RERE: variants seen among roughly 807,000 people sequenced by gnomAD.
RERE encodes the protein arginine-glutamic acid dipeptide repeats.
Under a neutral mutation model 146.1 loss-of-function variants are expected in RERE, and 40 were observed. That is an observed-to-expected ratio of 0.27 (90% CI 0.21 to 0.36). RERE has a LOEUF of 0.36. RERE is among the 10% of genes least tolerant of loss of function. RERE has a pLI of 1.00. For missense variants in RERE, 1,933 were observed against 2,138.7 expected, an observed-to-expected ratio of 0.90 and a Z score of 1.90; for synonymous variants, 1,003 against 866.0, an observed-to-expected ratio of 1.16 and a Z score of -2.78.
chr1:8,607,528 A>ATTTTTTTTTT (rs1557431314), intron 4 of RERE, among the ~76,000 whole-genome samples: 1 of 77,020 alleles, frequency 1.3e-5, no homozygotes, highest in East Asian at 7.4e-4. Flanking sequence ...GTTTTTATAT[A>ATTTTTTTTTT]TATTTCTTTT....
Position 8,600,823 on chromosome 1 carries a change from C to G in RERE, c.522+13738G>C, listed in dbSNP as rs1301146904. Among the ~76,000 whole-genome samples the G allele has an allele frequency of 2.8e-5, 4 of 140,476 alleles. No individual in the cohort carries two copies. In the South Asian group the frequency reaches 6.8e-4, roughly 24 times the overall value. The allele number at this position is 140,476 out of a possible 152,430, so 92.2% of individuals were successfully genotyped here. A position where few individuals can be genotyped will look rare whatever the true frequency, so the allele number is the denominator to read the frequency against. ...AGGCTGGAGTGCAGTGGTGCAATCT[C>G]GGCTCACTGCAAGCTCCGCCTCCAG... On this transcript the variant is annotated intron_variant, in intron 4 of 22. Coordinates refer to ENST00000400908, the MANE Select transcript of RERE (RefSeq NM_001042681.2).
intron 11 of RERE, among the ~76,000 whole-genome samples, chr1:8,440,376 G>A (rs1175984256): frequency 1.4e-5 from 2 of 143,204 alleles, no homozygotes; most frequent in Non-Finnish European, 3.0e-5. Flanking sequence ...GCGGACATGA[G>A]GTTAGGAGAT....
chr1:8,546,007 T>TTTTTTTTA (rs1645856785), intron 6 of RERE, among the ~76,000 whole-genome samples: 3 of 126,824 alleles, frequency 2.4e-5, no homozygotes, highest in Non-Finnish European at 5.0e-5. Flanking sequence ...TTTTTTTTTT[T>TTTTTTTTA]GAGATAGGGT....
intron 12 of RERE, among the ~76,000 whole-genome samples, chr1:8,406,960 G>A (rs377700278): frequency 6.6e-6 from 1 of 152,120 alleles, no homozygotes; most frequent in Admixed American, 6.5e-5. Flanking sequence ...CAAAACACCC[G>A]ACACCCGAGG....
chr1:8,366,916 C>A (rs200889656), intron 12 of RERE, among the ~76,000 whole-genome samples: 3,223 of 105,268 alleles, frequency 0.031, 32 homozygotes, highest in East Asian at 0.071. Flanking sequence ...AAAAAAAAAA[C>A]AAAAAAAAAA....
At chr1:8,401,649 A>G (rs1643266338) in intron 12 of RERE, among the ~76,000 whole-genome samples, 1 of 150,934 alleles carries the variant, frequency 6.6e-6, no homozygotes, top group African/African-American at 2.4e-5. Context: ...AGTCCCAGCT[A>G]CTCGGGAGGC....
intron 12 of RERE, among the ~76,000 whole-genome samples, chr1:8,401,270 G>GT (rs35699835): frequency 0.22 from 33,629 of 151,250 alleles, 4,253 homozygotes; most frequent in African/African-American, 0.33. Context: ...GGCCAAGACA[G>GT]TATCTCCCAC....
chr1:8,772,959 T>A (rs1218337453), intron 1 of RERE, among the ~76,000 whole-genome samples: 1 of 152,054 alleles, frequency 6.6e-6, no homozygotes, highest in Non-Finnish European at 1.5e-5. Flanking sequence ...TGGTGGCACA[T>A]GCATGTAATC....
At chr1:8,369,655 A>G (rs1641955558) in intron 12 of RERE, among the ~76,000 whole-genome samples, 2 of 151,246 alleles carry the variant, frequency 1.3e-5, no homozygotes, top group Non-Finnish European at 3.0e-5. Context: ...ACTGTCATCC[A>G]CTGCTGGTGG....
chr1:8,501,419 G>C (rs1467174965), intron 8 of RERE, among the ~76,000 whole-genome samples: 2 of 74,968 alleles, frequency 2.7e-5, no homozygotes, highest in Non-Finnish European at 5.2e-5. Flanking sequence ...GCCCCGTCCG[G>C]GAGGTGAGGG....
rs778484348 is a variant in RERE at position 8,508,610 on chromosome 1, A to G, written c.879+17T>C. 17 of 1,594,064 alleles carry G rather than the reference A, an allele frequency of 1.1e-5. No homozygotes were observed. The highest frequency in any genetic ancestry group is 9.9e-5 in the South Asian group (9 of 90,490). On this transcript the variant is annotated intron_variant, in intron 8 of 22. Transcript: ENST00000400908. ...GAAACAAAAACCTATTAAGGAAGCTATGAAAATGAACTTCACCTGATGACT... is the reference window on the plus strand; with the variant it reads ...GAAACAAAAACCTATTAAGGAAGCTGTGAAAATGAACTTCACCTGATGACT...
intron 1 of RERE, among the ~76,000 whole-genome samples, chr1:8,716,787 T>G (rs1639773626): frequency 6.6e-6 from 1 of 151,698 alleles, no homozygotes; most frequent in Admixed American, 6.6e-5. Flanking sequence ...GTGAAGAAAG[T>G]AATAAAATTT....
chr1:8,483,588 A>C (rs1388951690), intron 10 of RERE, among the ~76,000 whole-genome samples: 2 of 152,224 alleles, frequency 1.3e-5, no homozygotes, highest in Admixed American at 6.5e-5. Context: ...TGTGATATGA[A>C]CTTGAACTTG....
At chr1:8,572,970 A>G (rs926655425) in intron 4 of RERE, among the ~76,000 whole-genome samples, 3 of 152,220 alleles carry the variant, frequency 2.0e-5, no homozygotes, top group African/African-American at 7.2e-5. Context: ...GATATGTCAT[A>G]TACAGAGACA....
intron 3 of RERE, among the ~76,000 whole-genome samples, chr1:8,620,971 G>A (rs762910654): frequency 6.6e-6 from 1 of 151,940 alleles, no homozygotes; most frequent in Non-Finnish European, 1.5e-5. Flanking sequence ...GAACTTAATT[G>A]CTTGATACTA....
At chr1:8,538,156 T>C (rs959119011) in intron 7 of RERE, among the ~76,000 whole-genome samples, 1 of 152,230 alleles carries the variant, frequency 6.6e-6, no homozygotes, top group African/African-American at 2.4e-5. Flanking sequence ...CTTTCCTATA[T>C]GCAGTATTGC....
Position 8,597,151 on chromosome 1 carries a change from G to A in RERE, c.522+17410C>T, listed in dbSNP as rs1256060923. On this transcript the variant is annotated intron_variant, in intron 4 of 22. Coordinates refer to ENST00000400908, the MANE Select transcript of RERE (RefSeq NM_001042681.2). Reference sequence around the variant, plus strand: ...CACCCAGGCCAGAGCGCAGTGGCGTGATCGTGGCTCACTGCAGCCTCAGCA... The same window carrying A: ...CACCCAGGCCAGAGCGCAGTGGCGTAATCGTGGCTCACTGCAGCCTCAGCA... 4.7e-5 allele frequency among the ~76,000 whole-genome samples: 7 copies of A among 150,286 alleles called. 1 individual carries two copies. The highest frequency in any genetic ancestry group is 4.6e-4 in the Admixed American group (7 of 15,084).
chr1:8,624,116 A>C (rs1646946959), intron 3 of RERE, among the ~76,000 whole-genome samples, 194 bp downstream of exon 3: 1 of 152,232 alleles, frequency 6.6e-6, no homozygotes, highest in Non-Finnish European at 1.5e-5. Flanking sequence ...AAGCATTATG[A>C]GAGTAAGTGT....
chr1:8,799,738 GT>G (rs59426198), intron 1 of RERE, among the ~76,000 whole-genome samples: 3,909 of 151,576 alleles, frequency 0.026, 159 homozygotes, highest in African/African-American at 0.089. Flanking sequence ...AACATTATGA[GT>G]TTTTTTGTGA....
Sources: allele counts gnomAD v4.1 joint callset (sites outside exome capture counted in the v4.1 genomes callset), GRCh38; gene constraint gnomAD v4.1.1; transcripts MANE v1.5; gene names NCBI Gene and HGNC (gene_info 2026-07-23, HGNC 2026-07-21).